Variants in NAV1 observed in about 807,000 individuals in gnomAD.
NAV1 encodes the protein pore membrane and/or filament interacting like protein 3.
In NAV1, 18 loss-of-function variants were observed where a neutral mutation model predicts 175.2. That is an observed-to-expected ratio of 0.10 (90% confidence interval 0.07 to 0.15). The LOEUF (loss-of-function observed/expected upper bound fraction) is 0.15, where lower values mean the gene tolerates loss of function less well. Ranked by LOEUF, NAV1 falls within the 10% of genes least tolerant of loss-of-function variation. NAV1 has a pLI of 1.00. For missense variants in NAV1, 1,731 were observed against 2,436.6 expected (o/e 0.71, Z 6.10); for synonymous variants, 897 against 978.7 (o/e 0.92, Z 1.56).
intron 1 of NAV1, among the ~76,000 whole-genome samples, chr1:201,587,579 G>C (rs980822566): frequency 6.6e-5 from 10 of 152,022 alleles, no homozygotes; most frequent in Non-Finnish European, 1.5e-4. Flanking sequence ...GGCTACTTGG[G>C]AGGTTGATGT....
intron 2 of NAV1, among the ~76,000 whole-genome samples, chr1:201,611,245 C>T (rs959035797): frequency 2.0e-5 from 3 of 152,148 alleles, no homozygotes; most frequent in African/African-American, 7.2e-5. Flanking sequence ...GCTGAATGGC[C>T]CCCAGCTGGT....
At position 201,712,149 on chromosome 1, in the gene NAV1, C is replaced by T. The variant is rs900601346; in HGVS notation, c.758-668C>T. ...CTTCCACCTCCCACCAGCCACCTCACCTTTAGGAGACTATATCTGAACTAA... is the reference window on the plus strand; with the variant it reads ...CTTCCACCTCCCACCAGCCACCTCATCTTTAGGAGACTATATCTGAACTAA... On this transcript the variant is annotated intron_variant, in intron 1 of 29. Coordinates refer to ENST00000367296, the Ensembl canonical transcript of NAV1. Among the ~76,000 whole-genome samples, 8 of 152,306 alleles carry T rather than the reference C, an allele frequency of 5.3e-5. No individual in the cohort carries two copies. The East Asian group carries it at 7.7e-4, about 15-fold the overall frequency.
At chr1:201,721,529 T>TG (rs1384137969) in intron 3 of NAV1, among the ~76,000 whole-genome samples, 1 of 152,270 alleles carries the variant, frequency 6.6e-6, no homozygotes, top group Non-Finnish European at 1.5e-5. Context: ...AGCCTCCTGT[T>TG]GGTCTTCTCA....
chr1:201,664,808 T>C (rs1392224523), intron 1 of NAV1, among the ~76,000 whole-genome samples: 1 of 152,190 alleles, frequency 6.6e-6, no homozygotes, highest in Non-Finnish European at 1.5e-5. Flanking sequence ...AGCCGTGGTA[T>C]GCCCTCAGCC....
intron 1 of NAV1, among the ~76,000 whole-genome samples, chr1:201,661,612 A>G (rs1317571121): frequency 1.3e-5 from 2 of 152,124 alleles, no homozygotes; most frequent in African/African-American, 4.8e-5. Context: ...GCCTGGTAAA[A>G]TAGGGATTAG....
chr1:201,752,069 G>A (rs1158456201), intron 3 of NAV1, among the ~76,000 whole-genome samples: 1 of 152,098 alleles, frequency 6.6e-6, no homozygotes, highest in Non-Finnish European at 1.5e-5. Flanking sequence ...GCACAATGTG[G>A]TATTCAGCTG....
At chr1:201,570,502 G>A (rs1430193006) in intron 1 of NAV1, among the ~76,000 whole-genome samples, 1 of 152,248 alleles carries the variant, frequency 6.6e-6, no homozygotes, top group Admixed American at 6.5e-5. Flanking sequence ...CCTTATGCGA[G>A]AATAGAGGAT....
intron 2 of NAV1, among the ~76,000 whole-genome samples, chr1:201,598,103 G>C (rs960815473): frequency 1.3e-5 from 2 of 152,242 alleles, no homozygotes; most frequent in Admixed American, 6.5e-5. Context: ...GATGAGCCAG[G>C]TATACCTGGT....
upstream of NAV1, among the ~76,000 whole-genome samples, chr1:201,620,265 G>A (rs1219663292): frequency 3.3e-5 from 5 of 152,114 alleles, no homozygotes; most frequent in Admixed American, 3.3e-4. Context: ...AACCGGCCAT[G>A]CTTTGGTGGT....
At chr1:201,714,917 T>C (rs1459957849) in intron 2 of NAV1, among the ~76,000 whole-genome samples, 2 of 152,152 alleles carry the variant, frequency 1.3e-5, no homozygotes, top group Non-Finnish European at 2.9e-5. Context: ...GCAGGCGCTA[T>C]TGGTTTTCTG....
intron 3 of NAV1, among the ~76,000 whole-genome samples, chr1:201,748,195 G>T (rs1571924596): frequency 6.6e-6 from 1 of 152,138 alleles, no homozygotes; most frequent in South Asian, 2.1e-4. Flanking sequence ...TTATTAAAAG[G>T]GTCCTCCTCT....
chr1:201,775,771 T>C (rs1409321098), intron 3 of NAV1, among the ~76,000 whole-genome samples: 1 of 152,160 alleles, frequency 6.6e-6, no homozygotes, highest in Non-Finnish European at 1.5e-5. Flanking sequence ...TAAAATATGG[T>C]AGAAGCCTGG....
intron 1 of NAV1, among the ~76,000 whole-genome samples, chr1:201,574,766 G>A (rs560922236): frequency 1.4e-4 from 21 of 152,300 alleles, no homozygotes; most frequent in African/African-American, 4.3e-4. Flanking sequence ...CGTCACCAGC[G>A]TTGGGAGCCC....
chr1:201,823,633 T>G (rs938261966), exon 30 of NAV1: 2 of 152,226 alleles, frequency 1.3e-5, no homozygotes, highest in African/African-American at 4.8e-5. Flanking sequence ...TGTTCATTGG[T>G]TGGTATACTG....
chr1:201,780,487 A>G (rs892552649), exon 4 of NAV1: 8 of 1,614,136 alleles, frequency 5.0e-6, no homozygotes, highest in Non-Finnish European at 6.8e-6. Flanking sequence ...GTTCAGAAGA[A>G]TTCAATGCCA....
chr1:201,654,473 C>A (rs972300567), intron 1 of NAV1, among the ~76,000 whole-genome samples: 1 of 140,362 alleles, frequency 7.1e-6, no homozygotes, highest in African/African-American at 2.6e-5. Context: ...TCCAATCTTG[C>A]CTTTCTCTGC....
chr1:201,822,251 G>A (rs1306349265), exon 30 of NAV1: 2 of 152,876 alleles, frequency 1.3e-5, no homozygotes, highest in African/African-American at 2.4e-5. Context: ...GGTCTCTGCT[G>A]TGCAGAATGA....
At position 201,781,306 on chromosome 1, in the gene NAV1, G is replaced by A. The variant is rs148178482; in HGVS notation, c.1660G>A (p.Ala554Thr). ...CACAGCCCAGAGTGCCCTCAAAGTCGCAGGTGAGCCTGGAATAAAGGAAGG... is the reference window on the plus strand; with the variant it reads ...CACAGCCCAGAGTGCCCTCAAAGTCACAGGTGAGCCTGGAATAAAGGAAGG... Residue 554 changes from alanine (A) to threonine (T), a missense_variant, in exon 5 of 30, where the codon GCA (alanine) becomes ACA (threonine). By Grantham distance (58) the Ala-to-Thr change is moderately conservative. Coordinates refer to ENST00000367296, the Ensembl canonical transcript of NAV1. 38 of 1,605,320 alleles carry A rather than the reference G, an allele frequency of 2.4e-5. No individual in the cohort carries two copies. In the Admixed American group the frequency reaches 2.4e-4, roughly 10 times the overall value.
At chr1:201,802,115 C>T (rs1292516296) in intron 15 of NAV1, among the ~76,000 whole-genome samples, 1 of 90,390 alleles carries the variant, frequency 1.1e-5, no homozygotes, top group Admixed American at 1.4e-4. Context: ...CCAGCCTGGG[C>T]GACAGAGCGA....
Sources: allele counts gnomAD v4.1 joint callset (sites outside exome capture counted in the v4.1 genomes callset), GRCh38; gene constraint gnomAD v4.1.1; transcripts MANE v1.5; gene names NCBI Gene and HGNC (gene_info 2026-07-23, HGNC 2026-07-21).